OSMR: variants seen among roughly 807,000 people sequenced by gnomAD.
The protein encoded by OSMR is oncostatin-M-specific receptor subunit beta.
Under a neutral mutation model 99.9 loss-of-function variants are expected in OSMR, and 81 were observed. The ratio of observed to expected loss-of-function variants is 0.81; its 90% CI spans 0.68 to 0.97. OSMR has a LOEUF of 0.97. OSMR is among the 50% of genes least tolerant of loss of function. The pLI, the probability that OSMR is intolerant of heterozygous loss-of-function variation, is 0.00. For missense variants in OSMR, 1,099 were observed against 1,153.4 expected, an observed-to-expected ratio of 0.95 and a Z score of 0.68; for synonymous variants, 406 against 410.4, an observed-to-expected ratio of 0.99 and a Z score of 0.13.
In OSMR at chr5:38,912,451, C is replaced by T. The variant is rs554680000; in HGVS notation, c.1286-5095C>T. Among the ~76,000 whole-genome samples, 17 of 152,156 alleles carry T rather than the reference C, an allele frequency of 1.1e-4. No homozygotes were observed. In the East Asian group the frequency reaches 1.2e-3, roughly 10 times the overall value. On this transcript the variant is annotated intron_variant, in intron 9 of 17. Transcript: ENST00000274276. ...GACACAAAGAAATAGAAAAATATTC[C>T]GTGCTCACAGATTGGAAGAATCAAT...
chr5:38,861,697 G>A (rs1466103295), intron 1 of OSMR, among the ~76,000 whole-genome samples: 6 of 151,640 alleles, frequency 4.0e-5, no homozygotes, highest in South Asian at 4.2e-4. Context: ...AGGGGCGGCC[G>A]GGAGAGGCGC....
intron 2 of OSMR, among the ~76,000 whole-genome samples, chr5:38,873,103 T>C (rs1742521716): frequency 6.6e-6 from 1 of 152,222 alleles, no homozygotes; most frequent in African/African-American, 2.4e-5. Context: ...TTGATTCCCC[T>C]CTCTCTCAGC....
chr5:38,860,029 C>G (rs547452623), intron 1 of OSMR, among the ~76,000 whole-genome samples: 1 of 152,176 alleles, frequency 6.6e-6, no homozygotes, highest in Non-Finnish European at 1.5e-5. Context: ...TAAATGGGGA[C>G]ACTTTTTCTT....
At chr5:38,862,843 G>C (rs1391749571) in intron 1 of OSMR, among the ~76,000 whole-genome samples, 1 of 151,928 alleles carries the variant, frequency 6.6e-6, no homozygotes, top group African/African-American at 2.4e-5. Context: ...AGCGAGCCGA[G>C]ATCACACCAC....
At position 38,918,881 on chromosome 5, in the gene OSMR, T is replaced by C; in HGVS notation, c.1404T>C (p.Tyr468=). 1.2e-6 allele frequency: 2 copies of C among 1,613,968 alleles called. No homozygotes were observed. The highest frequency in any genetic ancestry group is 1.7e-6 in the Non-Finnish European group (2 of 1,179,806). The change falls in exon 11 of 18, where the codon TAT becomes TAC. Residue 468 remains tyrosine, a synonymous_variant. Transcript: ENST00000274276. ...KLHANGKILF[Y]NVVVENLDKP... is the part of the protein sequence containing the mutation. ...ATGCCAATGGAAAGATCCTGTTCTA[T>C]AATGTAGTTGTAGAAAACCTAGACA...
At chr5:38,888,067 G>A (rs1743909771) in intron 7 of OSMR, among the ~76,000 whole-genome samples, 1 of 152,104 alleles carries the variant, frequency 6.6e-6, no homozygotes, top group Admixed American at 6.6e-5. Flanking sequence ...TCCTCCATGC[G>A]AGACAGACGG....
intron 7 of OSMR, chr5:38,886,448 T>G (rs1743779620): frequency 1.1e-6 from 1 of 906,808 alleles, no homozygotes; most frequent in African/African-American, 1.7e-5. Context: ...ATAACTTCTG[T>G]CATATCTCAT....
At chr5:38,898,652 TA>T (rs1332695495) in intron 7 of OSMR, among the ~76,000 whole-genome samples, 1 of 152,308 alleles carries the variant, frequency 6.6e-6, no homozygotes, top group Middle Eastern at 3.4e-3. Context: ...ATTTGTTTTC[TA>T]GTTGTTTTAT....
At chr5:38,932,565 T>C in intron 17 of OSMR, 30 bp downstream of exon 17, 1 of 1,592,838 alleles carries the variant, frequency 6.3e-7, no homozygotes, top group Non-Finnish European at 8.6e-7. Flanking sequence ...ATGTATACCA[T>C]ATACCTATTA....
chr5:38,876,719 A>G (rs1309585200), intron 3 of OSMR, among the ~76,000 whole-genome samples: 3 of 152,196 alleles, frequency 2.0e-5, no homozygotes, highest in South Asian at 2.1e-4. Flanking sequence ...TCCGTCCTCC[A>G]GAGATTTTCC....
At chr5:38,861,365 C>T (rs1741289585) in intron 1 of OSMR, among the ~76,000 whole-genome samples, 1 of 152,058 alleles carries the variant, frequency 6.6e-6, no homozygotes, top group Non-Finnish European at 1.5e-5. Context: ...TAACAAAGCA[C>T]ATCTTGCACC....
rs370592814 is a variant in OSMR at position 38,881,704 on chromosome 5, G to A, written c.358G>A (p.Asp120Asn). The A allele has an allele frequency of 1.1e-5, 17 of 1,614,056 alleles. No individual in the cohort carries two copies. The highest frequency in any genetic ancestry group is 2.2e-5 in the South Asian group (2 of 91,088). ...HFVRIKSLVD[D>N]AKFPEPNFWS... ...TGTAAGAATAAAGAGTTTGGTGGAC[G>A]ATGCCAAGTTCCCTGAGCCAAATTT... Residue 120 changes from aspartate to asparagine, a missense_variant, in exon 4 of 18, where the codon GAT becomes AAT. By Grantham distance (23) the Asp-to-Asn change is conservative. Coordinates refer to ENST00000274276, the MANE Select transcript of OSMR (RefSeq NM_003999.3).
At chr5:38,892,880 C>A (rs1482876374) in intron 7 of OSMR, among the ~76,000 whole-genome samples, 2 of 151,222 alleles carry the variant, frequency 1.3e-5, no homozygotes, top group African/African-American at 2.4e-5. Flanking sequence ...CCTACCCCTA[C>A]AGAGACCTAA....
chr5:38,896,427 T>C (rs1744524368), intron 7 of OSMR, among the ~76,000 whole-genome samples: 1 of 152,108 alleles, frequency 6.6e-6, no homozygotes, highest in Non-Finnish European at 1.5e-5. Flanking sequence ...GGGATTACTT[T>C]CTTGATTTCT....
chr5:38,878,959 C>T (rs1743049331), intron 3 of OSMR, among the ~76,000 whole-genome samples: 1 of 152,152 alleles, frequency 6.6e-6, no homozygotes, highest in African/African-American at 2.4e-5. Flanking sequence ...CCAGATCAGG[C>T]ATTGTGCGCA....
chr5:38,906,774 A>G (rs1409824642), intron 9 of OSMR, among the ~76,000 whole-genome samples: 1 of 152,246 alleles, frequency 6.6e-6, no homozygotes, highest in East Asian at 1.9e-4. Context: ...TTTTTATAAG[A>G]TAGAGAGATA....
intron 7 of OSMR, among the ~76,000 whole-genome samples, chr5:38,890,102 A>C (rs1744054726): frequency 6.6e-6 from 1 of 152,210 alleles, no homozygotes; most frequent in African/African-American, 2.4e-5. Flanking sequence ...TTTAACAAAA[A>C]TTCACTGTGG....
At position 38,918,875 on chromosome 5, in the gene OSMR, G is replaced by T; in HGVS notation, c.1398G>T (p.Leu466=). ...AACTGCATGCCAATGGAAAGATCCT[G>T]TTCTATAATGTAGTTGTAGAAAACC... ...LSKLHANGKI[L]FYNVVVENLD... Residue 466 remains leucine (L), a synonymous_variant, in exon 11 of 18, where the codon CTG becomes CTT. Transcript: ENST00000274276. 1.2e-6 allele frequency: 2 copies of T among 1,613,996 alleles called. No individual in the cohort carries two copies. Among genetic ancestry groups the T allele is most frequent in the Non-Finnish European group, 1.7e-6 (2 of 1,179,900 alleles).
At chr5:38,891,070 A>G (rs535125122) in intron 7 of OSMR, among the ~76,000 whole-genome samples, 1 of 152,236 alleles carries the variant, frequency 6.6e-6, no homozygotes, top group South Asian at 2.1e-4. Flanking sequence ...TTAATTGGCC[A>G]TCGCGTGGCC....
Sources: gnomAD v4.1 joint callset for allele counts (sites outside exome capture counted in the v4.1 genomes callset) on GRCh38, gnomAD v4.1.1 for gene constraint, MANE v1.5 for transcripts, NCBI Gene and HGNC (gene_info 2026-07-23, HGNC 2026-07-21) for gene names.